The following MPHOSPH8 variants were observed in gnomAD, a reference collection of about 807,000 sequenced individuals.
MPHOSPH8 encodes M-phase phosphoprotein 8.
MPHOSPH8 carries 45 observed loss-of-function variants against 87.3 expected under a neutral mutation model. The observed-to-expected ratio is 0.52, with a 90% CI of 0.41 to 0.66. MPHOSPH8 has a LOEUF of 0.66. MPHOSPH8 is among the 30% of genes least tolerant of loss of function. MPHOSPH8 has a pLI of 0.00. For missense variants in MPHOSPH8, 883 were observed against 1,020.2 expected, an observed-to-expected ratio of 0.87 and a Z score of 1.83; for synonymous variants, 366 against 376.9, an observed-to-expected ratio of 0.97 and a Z score of 0.33.
chr13:19,646,846 T>G lies in MPHOSPH8; in HGVS notation c.773T>G (p.Val258Gly). ...ENRKTKKEKF[V>G]ESQVESESSV... ...AGAAAAACAAAAAAAGAAAAATTTGTCGAATCCCAGGTGGAATCTGAATCA... is the reference window on the plus strand; with the variant it reads ...AGAAAAACAAAAAAAGAAAAATTTGGCGAATCCCAGGTGGAATCTGAATCA... Residue 258 changes from valine (V) to glycine (G), a missense_variant, in exon 3 of 14, where the codon GTC (valine) becomes GGC (glycine). This residue lies in a region of MPHOSPH8 where 741 missense variants were observed against 841.5 expected (regional missense o/e 0.88). Transcript: ENST00000361479. 6.2e-7 allele frequency: 1 copy of G among 1,601,374 alleles called. No homozygotes were observed. The highest frequency in any genetic ancestry group is 8.5e-7 in the Non-Finnish European group (1 of 1,177,212).
intron 8 of MPHOSPH8, 89 bp downstream of exon 8, chr13:19,661,927 A>G: frequency 1.4e-6 from 2 of 1,402,324 alleles, no homozygotes; most frequent in Non-Finnish European, 1.9e-6. Context: ...GAAATATAGC[A>G]GTCACATGGT....
rs780507407 is a variant in MPHOSPH8, at chr13:19,633,714, G to C, written c.-35G>C. 13 of 1,559,336 alleles carry C rather than the reference G, an allele frequency of 8.3e-6. No homozygotes were observed. The East Asian group carries it at 2.6e-4, about 31-fold the overall frequency. On this transcript the variant is annotated 5_prime_UTR_variant, in exon 1 of 14. Transcript: ENST00000361479. ...AGGGGCTGCTGGGGTGTTTGTCGCA[G>C]CGGGTTTTCCTCGGCGGTTTGCGGA... is the stretch of plus-strand genomic sequence containing the variant.
chr13:19,667,192 T>G (rs1180334861), intron 10 of MPHOSPH8, among the ~76,000 whole-genome samples: 2 of 152,100 alleles, frequency 1.3e-5, no homozygotes, highest in African/African-American at 4.8e-5. Context: ...AGAAAGAAAC[T>G]TTAAACATTT....
intron 2 of MPHOSPH8, 37 bp downstream of exon 2, chr13:19,642,307 T>A: frequency 2.0e-6 from 3 of 1,484,600 alleles, no homozygotes; most frequent in Non-Finnish European, 2.7e-6. Flanking sequence ...TTTACATACA[T>A]AAATTTATTG....
intron 12 of MPHOSPH8, chr13:19,670,833 T>C (rs1450081611): frequency 1.7e-6 from 2 of 1,179,242 alleles, no homozygotes; most frequent in Admixed American, 3.2e-5. Flanking sequence ...TTTTTTTTTT[T>C]TTGAAGACAG....
chr13:19,640,060 C>T (rs995401210), intron 1 of MPHOSPH8, among the ~76,000 whole-genome samples: 3 of 151,766 alleles, frequency 2.0e-5, no homozygotes, highest in Non-Finnish European at 2.9e-5. Flanking sequence ...GAGCCAAGAT[C>T]GCGCCACTAC....
chr13:19,656,781 TAC>T lies in MPHOSPH8; in HGVS notation c.1577-2212_1577-2211del, dbSNP rs1040617411. 4.6e-5 allele frequency among the ~76,000 whole-genome samples: 7 copies of T among 150,984 alleles called. No individual in the cohort carries two copies. In the East Asian group the frequency reaches 5.9e-4, roughly 13 times the overall value. On this transcript the variant is annotated intron_variant, in intron 5 of 13. Coordinates refer to ENST00000361479, the MANE Select transcript of MPHOSPH8 (RefSeq NM_017520.4). Reference sequence around the variant, plus strand: ...CTTTCAAAAATAAAAAATAAAAACATACAGTTTTCAATAGCAACACATTAAAA... The same window carrying T: ...CTTTCAAAAATAAAAAATAAAAACATAGTTTTCAATAGCAACACATTAAAA...
chr13:19,658,535 G>A (rs1875331547), intron 5 of MPHOSPH8, among the ~76,000 whole-genome samples: 1 of 152,218 alleles, frequency 6.6e-6, no homozygotes, highest in African/African-American at 2.4e-5. Context: ...GCCTGTGGGA[G>A]TCTGGAAGGA....
intron 1 of MPHOSPH8, among the ~76,000 whole-genome samples, chr13:19,639,913 T>C (rs888126522): frequency 1.3e-5 from 2 of 152,106 alleles, no homozygotes; most frequent in African/African-American, 2.4e-5. Flanking sequence ...GAAACCAGCC[T>C]GGCCAACATG....
At position 19,633,779 on chromosome 13, in the gene MPHOSPH8, A is replaced by G. The variant is rs763545081; in HGVS notation, c.31A>G (p.Thr11Ala). ...GCAGGTTGCGGAGGGAGCAAGGGTG[A>G]CCGCAGTCCCTGTGTCAGCTGCCGA... Reference protein sequence around the residue: MEQVAEGARVTAVPVSAADST... With the variant: MEQVAEGARVAAVPVSAADST... The change falls in exon 1 of 14, where the codon ACC (threonine) becomes GCC (alanine). Residue 11 changes from threonine (T) to alanine (A), a missense_variant. Around this residue, in one of 3 missense-constraint regions of MPHOSPH8, gnomAD observed 103 missense variants for 96.3 expected, o/e 1.07. Transcript: ENST00000361479. 1.9e-5 allele frequency: 30 copies of G among 1,604,958 alleles called. No homozygotes were observed. Among genetic ancestry groups the G allele is most frequent in the Non-Finnish European group, 2.5e-5 (29 of 1,176,422 alleles).
intron 5 of MPHOSPH8, among the ~76,000 whole-genome samples, chr13:19,656,793 T>C (rs1352687642): frequency 6.6e-6 from 1 of 151,536 alleles, no homozygotes; most frequent in African/African-American, 2.4e-5. Flanking sequence ...CAGTTTTCAA[T>C]AGCAACACAT....
At chr13:19,659,489 C>A (rs1875389296) in intron 7 of MPHOSPH8, among the ~76,000 whole-genome samples, 200 bp downstream of exon 7, 1 of 152,016 alleles carries the variant, frequency 6.6e-6, no homozygotes, top group Non-Finnish European at 1.5e-5. Flanking sequence ...CATGGTGAAA[C>A]CCCAACTCTA....
chr13:19,665,489 TCTGTCCCGAGC>T (rs1201333494), intron 9 of MPHOSPH8, among the ~76,000 whole-genome samples: 4 of 152,066 alleles, frequency 2.6e-5, no homozygotes, highest in African/African-American at 9.7e-5. Flanking sequence ...GGCCACTCGC[TCTGTCCCGAGC>T]CTGTCCTGGA....
At chr13:19,662,998 A>G in intron 8 of MPHOSPH8, 42 bp from the exon 9 acceptor site, 2 of 1,488,148 alleles carry the variant, frequency 1.3e-6, no homozygotes, top group South Asian at 2.3e-5. Context: ...CTGTCTTTTA[A>G]ATAATTTGGG....
At position 19,651,209 on chromosome 13, in the gene MPHOSPH8, T is replaced by C. The variant is rs1874828705; in HGVS notation, c.1576+949T>C. 2.6e-5 allele frequency among the ~76,000 whole-genome samples: 4 copies of C among 152,200 alleles called. No individual in the cohort carries two copies. In the South Asian group the frequency reaches 8.3e-4, roughly 31 times the overall value. ...ACAGATTTAAAAGATGAAAGAATTC[T>C]ATGAGCAATTTCTTACCAGTTGATT... On this transcript the variant is annotated intron_variant, in intron 5 of 13. Coordinates refer to ENST00000361479, the MANE Select transcript of MPHOSPH8 (RefSeq NM_017520.4).
intron 9 of MPHOSPH8, among the ~76,000 whole-genome samples, chr13:19,665,033 GC>G (rs1443723416): frequency 1.4e-4 from 21 of 152,122 alleles, no homozygotes; most frequent in Non-Finnish European, 1.5e-5. Flanking sequence ...AGGCGGGAGT[GC>G]CCCAGGTCAG....
rs1008829605 is a variant in MPHOSPH8 at position 19,643,859 on chromosome 13, CTGTCACCACAG to C, written c.369+1601_369+1611del. On this transcript the variant is annotated intron_variant, in intron 2 of 13. Transcript: ENST00000361479. ...TCCATGCTGACCTCTGTAACTCGGC[CTGTCACCACAG>C]TGTCACCACAGAGACCTACGTGTTC... Among the ~76,000 whole-genome samples the C allele has an allele frequency of 5.3e-5, 8 of 152,226 alleles. No homozygotes were observed. In the South Asian group the frequency reaches 1.2e-3, roughly 24 times the overall value.
At chr13:19,660,662 C>T (rs188543264) in intron 7 of MPHOSPH8, among the ~76,000 whole-genome samples, 28 of 152,184 alleles carry the variant, frequency 1.8e-4, no homozygotes, top group Middle Eastern at 6.8e-3. Flanking sequence ...TTCATATAGA[C>T]GTTGCACATT....
In MPHOSPH8 at chr13:19,672,916, T is replaced by C. The variant is rs1468682887; in HGVS notation, c.*1041T>C. On this transcript the variant is annotated 3_prime_UTR_variant, in exon 14 of 14. Coordinates refer to ENST00000361479, the MANE Select transcript of MPHOSPH8 (RefSeq NM_017520.4). The stretch of plus-strand genomic sequence containing the variant: ...GAGTTCAAGACCAGCCTGGGTAACA[T>C]GGGGTGGAACAAGCCTGTAGTCCCA... 5.5e-6 allele frequency: 2 copies of C among 361,952 alleles called. No homozygotes were observed. The highest frequency in any genetic ancestry group is 7.2e-5 in the East Asian group (1 of 13,818). 22.4% of individuals were successfully genotyped at this position (361,952 alleles called of 1,614,324 possible). A position where few individuals can be genotyped will look rare whatever the true frequency, so the allele number is the denominator to read the frequency against.
Sources: allele counts gnomAD v4.1 joint callset (sites outside exome capture counted in the v4.1 genomes callset), GRCh38; gene constraint gnomAD v4.1.1; regional missense constraint gnomAD v4.1.1; transcripts MANE v1.5; gene names NCBI Gene and HGNC (gene_info 2026-07-23, HGNC 2026-07-21).